PPM1H: variants seen among roughly 807,000 people sequenced by gnomAD.
PPM1H encodes the protein protein phosphatase 1H.
Under a neutral mutation model 54.9 loss-of-function variants are expected in PPM1H, and 27 were observed. The ratio of observed to expected loss-of-function variants is 0.49; its 90% CI spans 0.36 to 0.68. The LOEUF (loss-of-function observed/expected upper bound fraction) is 0.68, where lower values mean the gene tolerates loss of function less well. Among genes scored for constraint, PPM1H ranks in the 30% least tolerant of loss-of-function variants. PPM1H has a pLI of 0.00. For synonymous variants in PPM1H, 305 were observed against 270.8 expected (o/e 1.13, Z -1.24); for missense variants, 596 against 667.8 (o/e 0.89, Z 1.19).
rs1565807355 is a variant in PPM1H at position 62,845,000 on chromosome 12, A to G, written c.246-12721T>C. The stretch of plus-strand genomic sequence containing the variant: ...CAAAGAAGTAGCTGATAGATGTCAG[A>G]GCCTAGGGTACCTCTTCATCCAAAT... On this transcript the variant is annotated intron_variant, in intron 1 of 9. Coordinates refer to ENST00000228705, the MANE Select transcript of PPM1H (RefSeq NM_020700.2). The surrounding 1 kb of genome is among the most constrained non-coding windows in gnomAD (Gnocchi z 5.2). Among the ~76,000 whole-genome samples, 1 of 152,220 alleles carries G rather than the reference A, an allele frequency of 6.6e-6. No homozygotes were observed. Among genetic ancestry groups the G allele is most frequent in the Non-Finnish European group, 1.5e-5 (1 of 68,034 alleles).
At chr12:62,871,423 T>C (rs1486310611) in intron 1 of PPM1H, among the ~76,000 whole-genome samples, 1 of 152,146 alleles carries the variant, frequency 6.6e-6, no homozygotes, top group African/African-American at 2.4e-5. Context: ...AAATACAGTG[T>C]TTCTTTTTGG....
intron 1 of PPM1H, among the ~76,000 whole-genome samples, chr12:62,926,189 C>T (rs777443467): frequency 2.6e-5 from 4 of 152,130 alleles, no homozygotes; most frequent in Non-Finnish European, 4.4e-5. Context: ...AGAAGTCACC[C>T]GTGCCCTGGT....
intron 1 of PPM1H, among the ~76,000 whole-genome samples, chr12:62,919,694 G>A (rs1157773558): frequency 6.6e-6 from 1 of 152,138 alleles, no homozygotes; most frequent in Non-Finnish European, 1.5e-5. Context: ...TCATGATGTT[G>A]AGAAGGTTGG....
intron 1 of PPM1H, among the ~76,000 whole-genome samples, chr12:62,907,122 T>C (rs937393013): frequency 6.6e-6 from 1 of 152,236 alleles, no homozygotes; most frequent in Non-Finnish European, 1.5e-5. Context: ...TGTTTTTCTT[T>C]TTGAAAGGCT....
intron 8 of PPM1H, among the ~76,000 whole-genome samples, chr12:62,669,905 C>T (rs1263437848): frequency 5.4e-5 from 8 of 149,526 alleles, no homozygotes; most frequent in Non-Finnish European, 5.9e-5. Flanking sequence ...TGCCATTACA[C>T]TCCAGCCTGG....
chr12:62,644,740 A>T lies in PPM1H; in HGVS notation c.*3749T>A, dbSNP rs560265959. On this transcript the variant is annotated 3_prime_UTR_variant, in exon 10 of 10. Transcript: ENST00000228705. ...GGTGGGCTATGGTGTGCAGGCTGCA[A>T]CCTTTCTCTGCAATTGTTAAGTCTT... 14 of 152,352 alleles carry T rather than the reference A, an allele frequency of 9.2e-5. No individual in the cohort carries two copies. Among genetic ancestry groups the T allele is most frequent in the Admixed American group, 9.1e-4 (14 of 15,306 alleles). The allele number at this position is 152,352 out of a possible 1,614,324, so 9.4% of individuals were successfully genotyped here.
At chr12:62,668,027 C>A (rs2075929966) in intron 8 of PPM1H, among the ~76,000 whole-genome samples, 1 of 152,182 alleles carries the variant, frequency 6.6e-6, no homozygotes, top group South Asian at 2.1e-4. Flanking sequence ...TCTGAACCTC[C>A]AAAGTATGTC....
At chr12:62,733,483 T>A (rs1269325466) in intron 5 of PPM1H, among the ~76,000 whole-genome samples, 1 of 152,164 alleles carries the variant, frequency 6.6e-6, no homozygotes, top group Non-Finnish European at 1.5e-5. Flanking sequence ...GGTCTCGAAC[T>A]CCTGACCTTG....
chr12:62,675,914 TC>T (rs1240617964), intron 8 of PPM1H, among the ~76,000 whole-genome samples: 1 of 152,190 alleles, frequency 6.6e-6, no homozygotes, highest in Non-Finnish European at 1.5e-5. Flanking sequence ...ACAAAGTCAA[TC>T]CCGCTGATTG....
intron 6 of PPM1H, among the ~76,000 whole-genome samples, chr12:62,715,971 G>A (rs568749803): frequency 3.3e-5 from 5 of 152,132 alleles, no homozygotes; most frequent in South Asian, 2.1e-4. Context: ...AATGTACACC[G>A]AAGCTCGAAA....
rs540085021 is a variant in PPM1H at position 62,719,201 on chromosome 12, C to T, written c.1073+970G>A. Among the ~76,000 whole-genome samples, 25 of 152,262 alleles carry T rather than the reference C, an allele frequency of 1.6e-4. No individual in the cohort carries two copies. In the South Asian group the frequency reaches 5.2e-3, roughly 32 times the overall value. On this transcript the variant is annotated intron_variant, in intron 6 of 9. Coordinates refer to ENST00000228705, the MANE Select transcript of PPM1H (RefSeq NM_020700.2). Reference sequence around the variant, plus strand: ...ACTTGTTCCCTGAAGACAGTATGTACCCTGGCAGTAGATCCCTGGCCAAGT... The same window carrying T: ...ACTTGTTCCCTGAAGACAGTATGTATCCTGGCAGTAGATCCCTGGCCAAGT...
chr12:62,654,208 A>AGG (rs1254088795), intron 9 of PPM1H, among the ~76,000 whole-genome samples: 12 of 100,048 alleles, frequency 1.2e-4, no homozygotes, highest in East Asian at 8.8e-4. Flanking sequence ...ACAGAGAGAG[A>AGG]CTCTTTCTCA....
intron 6 of PPM1H, among the ~76,000 whole-genome samples, chr12:62,698,096 G>T (rs2076123643): frequency 6.6e-6 from 1 of 151,280 alleles, no homozygotes; most frequent in Admixed American, 6.6e-5. Flanking sequence ...ATTGTGCAAA[G>T]CTGTAAAAAA....
chr12:62,890,863 A>G (rs760330241), intron 1 of PPM1H, among the ~76,000 whole-genome samples: 10 of 152,092 alleles, frequency 6.6e-5, no homozygotes, highest in Non-Finnish European at 1.5e-4. Flanking sequence ...TAACCCCAGC[A>G]CTTTGGGAGG....
intron 1 of PPM1H, among the ~76,000 whole-genome samples, chr12:62,845,785 G>A (rs984537242): frequency 6.6e-6 from 1 of 152,142 alleles, no homozygotes; most frequent in Non-Finnish European, 1.5e-5. Context: ...CCAAATACCT[G>A]TAGAATATCT....
chr12:62,688,257 G>A (rs1265155128), intron 8 of PPM1H, among the ~76,000 whole-genome samples: 4 of 152,054 alleles, frequency 2.6e-5, no homozygotes, highest in Non-Finnish European at 4.4e-5. Flanking sequence ...GTCAGGCTTG[G>A]ACCTACTGCC....
intron 6 of PPM1H, among the ~76,000 whole-genome samples, chr12:62,717,774 G>C (rs1186865671): frequency 1.3e-5 from 2 of 152,216 alleles, no homozygotes; most frequent in Non-Finnish European, 2.9e-5. Context: ...AGAGAGGTTT[G>C]AGTGGAACCT....
At chr12:62,877,999 A>G (rs1409570876) in intron 1 of PPM1H, among the ~76,000 whole-genome samples, 2 of 152,054 alleles carry the variant, frequency 1.3e-5, no homozygotes, top group Non-Finnish European at 2.9e-5. Context: ...CAGGGTTCAC[A>G]CCATTCTCCT....
chr12:62,926,509 A>C (rs1379006518), intron 1 of PPM1H, among the ~76,000 whole-genome samples: 4 of 152,232 alleles, frequency 2.6e-5, no homozygotes, highest in Non-Finnish European at 5.9e-5. Context: ...TGCATTGCAA[A>C]GAAAAAAAAT....
Sources: allele counts gnomAD v4.1 joint callset (sites outside exome capture counted in the v4.1 genomes callset), GRCh38; gene constraint gnomAD v4.1.1; non-coding constraint Gnocchi (gnomAD v3.1); transcripts MANE v1.5; gene names NCBI Gene and HGNC (gene_info 2026-07-23, HGNC 2026-07-21).